NDRG4: variants seen among roughly 807,000 people sequenced by gnomAD.
NDRG4 encodes NDRG family member 4, also known as protein NDRG4.
NDRG4 carries 38 observed loss-of-function variants against 55.8 expected under a neutral mutation model. The ratio of observed to expected loss-of-function variants is 0.68; its 90% confidence interval spans 0.53 to 0.89. The LOEUF (loss-of-function observed/expected upper bound fraction) is 0.89. NDRG4 is among the 40% of genes least tolerant of loss of function. NDRG4 has a pLI of 0.00. For missense variants in NDRG4, 455 were observed against 468.6 expected, an observed-to-expected ratio of 0.97 and a Z score of 0.27; for synonymous variants, 190 against 182.7, an observed-to-expected ratio of 1.04 and a Z score of -0.32.
chr16:58,493,459 C>T (rs1277679110), intron 2 of NDRG4, among the ~76,000 whole-genome samples: 9 of 152,208 alleles, frequency 5.9e-5, no homozygotes, highest in East Asian at 1.9e-4. Flanking sequence ...AGTAGAGACA[C>T]GGTTTTGACA....
chr16:58,473,595 T>C (rs1015560947), intron 1 of NDRG4, among the ~76,000 whole-genome samples: 2 of 152,148 alleles, frequency 1.3e-5, no homozygotes, highest in Non-Finnish European at 2.9e-5. Context: ...GCTCTATCCT[T>C]CCATAGCTCC....
At chr16:58,469,620 G>C (rs2032382584) in intron 1 of NDRG4, among the ~76,000 whole-genome samples, 1 of 152,190 alleles carries the variant, frequency 6.6e-6, no homozygotes, top group Admixed American at 6.5e-5. Flanking sequence ...ATGCGTAACA[G>C]TAGAGCAGCA....
chr16:58,506,133 CGTGTGTGT>C (rs113481456), intron 5 of NDRG4: 11 of 540,716 alleles, frequency 2.0e-5, no homozygotes, highest in African/African-American at 4.4e-5. Flanking sequence ...GTTGAAAGAG[CGTGTGTGT>C]GTGTGTGTGT....
chr16:58,468,706 G>A (rs1179050445), intron 1 of NDRG4, among the ~76,000 whole-genome samples: 3 of 152,132 alleles, frequency 2.0e-5, no homozygotes, highest in East Asian at 3.9e-4. Context: ...GGGCAACAGA[G>A]CGAGTCTCAA....
At chr16:58,502,152 G>A (rs757220061) in intron 1 of NDRG4, 6 of 399,276 alleles carry the variant, frequency 1.5e-5, no homozygotes, top group Non-Finnish European at 3.2e-5. Flanking sequence ...CCTTGGGCAA[G>A]TCATTTCCCT....
At chr16:58,483,088 C>A (rs1319280440) in intron 1 of NDRG4, among the ~76,000 whole-genome samples, 3 of 152,082 alleles carry the variant, frequency 2.0e-5, no homozygotes, top group East Asian at 1.9e-4. Flanking sequence ...GCCCAGCCCC[C>A]CAGTGTATTT....
At chr16:58,488,944 G>A (rs2151690841) in intron 2 of NDRG4, among the ~76,000 whole-genome samples, 1 of 152,270 alleles carries the variant, frequency 6.6e-6, no homozygotes, top group Non-Finnish European at 1.5e-5. Context: ...GCTACCCCAG[G>A]ATGCTTGCAG....
intron 1 of NDRG4, chr16:58,501,883 T>A (rs2037181273): frequency 2.3e-6 from 1 of 430,788 alleles, no homozygotes; most frequent in Non-Finnish European, 4.8e-6. Flanking sequence ...GGTCTGGGTT[T>A]GGAAGGCACC....
At chr16:58,468,658 T>G (rs767130950) in intron 1 of NDRG4, among the ~76,000 whole-genome samples, 5 of 152,024 alleles carry the variant, frequency 3.3e-5, no homozygotes, top group Non-Finnish European at 7.4e-5. Context: ...GATTAGGAGG[T>G]TGCAGTGAGC....
At chr16:58,484,849 T>C (rs1444744877) in intron 1 of NDRG4, among the ~76,000 whole-genome samples, 1 of 151,752 alleles carries the variant, frequency 6.6e-6, no homozygotes, top group Non-Finnish European at 1.5e-5. Context: ...TCTTATAACT[T>C]ATCACACAGC....
Position 58,507,804 on chromosome 16 carries a change from A to G in NDRG4, c.621-4A>G. ...CTGCCTCTGCCCCTCCCCCTGCCCC[A>G]CAGCCGCAGAGACCTGGACATTAAC... On this transcript the variant is annotated splice_polypyrimidine_tract_variant and splice_region_variant and intron_variant, in intron 8 of 14. Transcript: ENST00000570248. 1 of 1,613,154 alleles carries G rather than the reference A, an allele frequency of 6.2e-7. No individual in the cohort carries two copies. Among genetic ancestry groups the G allele is most frequent in the East Asian group, 2.2e-5 (1 of 44,852 alleles).
chr16:58,487,710 G>T (rs1351466486), intron 1 of NDRG4: 1 of 1,421,268 alleles, frequency 7.0e-7, no homozygotes, highest in Non-Finnish European at 9.4e-7. Context: ...TTCTCCGCCC[G>T]GGCGTCCCCG....
At chr16:58,495,019 G>T (rs1300082989) in intron 3 of NDRG4, 1 of 1,612,754 alleles carries the variant, frequency 6.2e-7, no homozygotes, top group Non-Finnish European at 8.5e-7. Context: ...GTAGGTCAAG[G>T]CTCAGACCCC....
At chr16:58,500,837 C>G (rs2036985846) in intron 1 of NDRG4, 1 of 449,170 alleles carries the variant, frequency 2.2e-6, no homozygotes, top group Non-Finnish European at 3.7e-6. Context: ...GCGGCCTCTT[C>G]CTTAGGAGCC....
At chr16:58,490,705 G>A (rs1057001967) in intron 2 of NDRG4, among the ~76,000 whole-genome samples, 2 of 152,180 alleles carry the variant, frequency 1.3e-5, no homozygotes, top group African/African-American at 4.8e-5. Flanking sequence ...CGCCAGACAT[G>A]TTGGCTCACG....
chr16:58,496,005 TC>T (rs1300056584), upstream of NDRG4, among the ~76,000 whole-genome samples: 1 of 152,072 alleles, frequency 6.6e-6, no homozygotes, highest in Non-Finnish European at 1.5e-5. Context: ...ATTTTCTTTG[TC>T]CTCCATGCTG....
At chr16:58,468,735 G>A (rs1025267343) in intron 1 of NDRG4, among the ~76,000 whole-genome samples, 1 of 152,102 alleles carries the variant, frequency 6.6e-6, no homozygotes, top group African/African-American at 2.4e-5. Context: ...ATATTGTGGG[G>A]AGCCAAGATG....
intron 1 of NDRG4, among the ~76,000 whole-genome samples, chr16:58,483,725 A>G (rs919747840): frequency 6.6e-6 from 1 of 152,254 alleles, no homozygotes; most frequent in Non-Finnish European, 1.5e-5. Context: ...CTGATCACCT[A>G]TGTGATTTTT....
At chr16:58,489,565 AC>A (rs2035528625) in intron 2 of NDRG4, among the ~76,000 whole-genome samples, 1 of 151,138 alleles carries the variant, frequency 6.6e-6, no homozygotes, top group Non-Finnish European at 1.5e-5. Context: ...TAATATTGAA[AC>A]CCCAACATGC....
Sources: gnomAD v4.1 joint callset for allele counts (sites outside exome capture counted in the v4.1 genomes callset) on GRCh38, gnomAD v4.1.1 for gene constraint, MANE v1.5 for transcripts, NCBI Gene and HGNC (gene_info 2026-07-23, HGNC 2026-07-21) for gene names.